Variants in THTPA observed in about 807,000 individuals in gnomAD.
THTPA encodes thiamine-triphosphatase.
In THTPA, 16 loss-of-function variants were observed where a neutral mutation model predicts 16.5. The ratio of observed to expected loss-of-function variants is 0.97; its 90% CI spans 0.66 to 1.47. The LOEUF (loss-of-function observed/expected upper bound fraction) is 1.47, where lower values mean the gene tolerates loss of function less well. Ranked by LOEUF, THTPA falls within the 40% of genes most tolerant of loss-of-function variation. THTPA has a pLI of 0.00. For synonymous variants in THTPA, 110 were observed against 115.5 expected, an observed-to-expected ratio of 0.95 and a Z score of 0.30; for missense variants, 281 against 280.9, an observed-to-expected ratio of 1.00 and a Z score of 0.00.
chr14:23,526,762 CT>C, the THTPA span: 20 of 1,530,490 alleles, frequency 1.3e-5, no homozygotes, highest in Non-Finnish European at 1.7e-5. Flanking sequence ...GGCAGTTGAC[CT>C]TGGCCTCAGT....
At chr14:23,522,364 G>A in the THTPA span, 1 of 1,536,112 alleles carries the variant, frequency 6.5e-7, no homozygotes, top group Non-Finnish European at 8.7e-7. Flanking sequence ...AGATGCCAGT[G>A]CTGCCTGTCA....
chr14:23,513,439 G>A, the THTPA span: 2 of 152,716 alleles, frequency 1.3e-5, no homozygotes, highest in Non-Finnish European at 2.9e-5. Context: ...GTACGCATAA[G>A]CGTGTGCTGT....
At chr14:23,533,837 G>A in the THTPA span, 7 of 1,540,666 alleles carry the variant, frequency 4.5e-6, no homozygotes, top group Non-Finnish European at 4.4e-6. This position sits in a 1 kb window ranked among gnomAD's most constrained non-coding sequence, Gnocchi z 4.8. Context: ...CTCTCTCCAC[G>A]AGCAAGGCGG....
the THTPA span, among the ~76,000 whole-genome samples, chr14:23,519,802 T>G: frequency 6.6e-6 from 1 of 152,172 alleles, no homozygotes; most frequent in Non-Finnish European, 1.5e-5. Flanking sequence ...CAGAGTGATG[T>G]GACTGATAGA....
At chr14:23,525,962 G>C in the THTPA span, 1 of 1,502,804 alleles carries the variant, frequency 6.7e-7, no homozygotes, top group South Asian at 1.3e-5. The surrounding 1 kb of genome is among the most constrained non-coding windows in gnomAD (Gnocchi z 5.9). Context: ...CAAGGGAGGT[G>C]GGGGAGGGGA....
At chr14:23,512,357 G>T in the THTPA span, among the ~76,000 whole-genome samples, 2 of 152,008 alleles carry the variant, frequency 1.3e-5, no homozygotes, top group African/African-American at 4.8e-5. Flanking sequence ...GGGTGATCGA[G>T]GAATCAAAAG....
At chr14:23,529,062 C>T in the THTPA span, among the ~76,000 whole-genome samples, 322 of 152,350 alleles carry the variant, frequency 2.1e-3, 2 homozygotes, top group East Asian at 0.018. Context: ...AGTAACACTG[C>T]GTATTGCAAT....
At chr14:23,552,323 T>C (rs1882034434), upstream of THTPA, among the ~76,000 whole-genome samples, 1 of 147,964 alleles carries the variant, frequency 6.8e-6, no homozygotes, top group Admixed American at 6.8e-5. Flanking sequence ...AGACGGAGTC[T>C]CACTCAGTCG....
At chr14:23,512,201 TG>T in the THTPA span, among the ~76,000 whole-genome samples, 3 of 151,696 alleles carry the variant, frequency 2.0e-5, no homozygotes, top group Non-Finnish European at 2.9e-5. Context: ...TGCAGGGGGT[TG>T]GGGGCTGGAG....
At chr14:23,514,901 C>T in the THTPA span, among the ~76,000 whole-genome samples, 1,183 of 152,272 alleles carry the variant, frequency 7.8e-3, 7 homozygotes, top group Non-Finnish European at 0.012. Context: ...TTCCTCCCAA[C>T]TAGATATCCA....
the THTPA span, among the ~76,000 whole-genome samples, chr14:23,519,514 C>G: frequency 6.6e-6 from 1 of 151,886 alleles, no homozygotes. Flanking sequence ...GAGCACAAGA[C>G]CCGGTGGCCA....
the THTPA span, chr14:23,526,192 G>A: frequency 6.5e-7 from 1 of 1,536,572 alleles, no homozygotes. Flanking sequence ...TGCAGACTGT[G>A]CACTTAAAGG....
At chr14:23,550,911 A>G in the THTPA span, among the ~76,000 whole-genome samples, 2 of 151,490 alleles carry the variant, frequency 1.3e-5, no homozygotes, top group African/African-American at 2.4e-5. Context: ...GGCCGCCGAG[A>G]CCCAGGACCC....
chr14:23,533,519 C>T, the THTPA span: 14 of 1,535,970 alleles, frequency 9.1e-6, 1 homozygote, highest in South Asian at 1.5e-4. This position sits in a 1 kb window ranked among gnomAD's most constrained non-coding sequence, Gnocchi z 4.8. Flanking sequence ...AGCGGCAGCC[C>T]CTGGTGCAGC....
upstream of THTPA, among the ~76,000 whole-genome samples, chr14:23,552,052 A>G (rs1407327710): frequency 6.6e-6 from 1 of 152,120 alleles, no homozygotes; most frequent in African/African-American, 2.4e-5. Context: ...GCTTCAGAAC[A>G]AGCCCTGAGC....
chr14:23,535,240 G>A, the THTPA span: 2 of 1,519,166 alleles, frequency 1.3e-6, no homozygotes, highest in Non-Finnish European at 1.8e-6. This position sits in a 1 kb window ranked among gnomAD's most constrained non-coding sequence, Gnocchi z 4.5. Context: ...GGTGCTGGAG[G>A]AGAAGGTGTC....
chr14:23,558,099 G>A (rs1255551100), intron 1 of THTPA, among the ~76,000 whole-genome samples: 1 of 152,234 alleles, frequency 6.6e-6, no homozygotes, highest in Non-Finnish European at 1.5e-5. Flanking sequence ...CTGCAGTGCT[G>A]TTTGAGCCCC....
upstream of THTPA, among the ~76,000 whole-genome samples, chr14:23,554,065 A>AAG (rs1882166749): frequency 1.4e-5 from 2 of 145,052 alleles, no homozygotes; most frequent in African/African-American, 5.2e-5. Flanking sequence ...AAAAAAAAAA[A>AAG]GCAGATGCTT....
the THTPA span, chr14:23,533,019 T>TGTC: frequency 1.2e-5 from 18 of 1,535,906 alleles, no homozygotes; most frequent in Non-Finnish European, 1.6e-5. This position sits in a 1 kb window ranked among gnomAD's most constrained non-coding sequence, Gnocchi z 4.8. Flanking sequence ...GTGGGCAGGC[T>TGTC]GTCAGATGAG....
Sources: gnomAD v4.1 joint callset for allele counts (sites outside exome capture counted in the v4.1 genomes callset) on GRCh38, gnomAD v4.1.1 for gene constraint, Gnocchi (gnomAD v3.1) non-coding constraint, MANE v1.5 for transcripts, NCBI Gene and HGNC (gene_info 2026-07-23, HGNC 2026-07-21) for gene names.